JMJD1C: variants seen among roughly 807,000 people sequenced by gnomAD.
The protein encoded by JMJD1C is jumonji domain containing 1C.
Under a neutral mutation model 245.3 loss-of-function variants are expected in JMJD1C, and 31 were observed. That is an observed-to-expected ratio of 0.13 (90% confidence interval 0.09 to 0.17). The LOEUF is 0.17. Ranked by LOEUF, JMJD1C falls within the 10% of genes least tolerant of loss-of-function variation. JMJD1C has a pLI of 1.00. For missense variants in JMJD1C, 2,691 were observed against 3,000.2 expected, an observed-to-expected ratio of 0.90 and a Z score of 2.41; for synonymous variants, 1,057 against 1,017.4, an observed-to-expected ratio of 1.04 and a Z score of -0.74.
At chr10:63,188,495 G>A (rs765122803) in intron 18 of JMJD1C, among the ~76,000 whole-genome samples, 8 of 152,232 alleles carry the variant, frequency 5.3e-5, no homozygotes, top group Middle Eastern at 3.4e-3. Flanking sequence ...CAGAGACTGC[G>A]TCTCTTATTA....
intron 2 of JMJD1C, among the ~76,000 whole-genome samples, chr10:63,377,864 C>G (rs1946877900): frequency 6.6e-6 from 1 of 151,152 alleles, no homozygotes. Flanking sequence ...CACCACTGCA[C>G]TCCAGCCTGT....
chr10:63,177,496 C>G (rs1564553632), intron 23 of JMJD1C: 1 of 529,972 alleles, frequency 1.9e-6, no homozygotes, highest in Non-Finnish European at 3.3e-6. Flanking sequence ...AGGCACACTA[C>G]CAACTGGGAA....
intron 1 of JMJD1C, among the ~76,000 whole-genome samples, chr10:63,480,809 C>A (rs1953809194): frequency 6.6e-6 from 1 of 152,036 alleles, no homozygotes; most frequent in African/African-American, 2.4e-5. Context: ...CTGGCTATAA[C>A]TACAAAGGAA....
chr10:63,378,601 A>G (rs1394159358), intron 2 of JMJD1C, among the ~76,000 whole-genome samples: 1 of 152,202 alleles, frequency 6.6e-6, no homozygotes, highest in East Asian at 1.9e-4. Flanking sequence ...CAAAAAAACA[A>G]AAAGGCAAAG....
intron 1 of JMJD1C, among the ~76,000 whole-genome samples, chr10:63,408,046 A>G (rs1249914818): frequency 2.0e-5 from 3 of 152,132 alleles, no homozygotes; most frequent in African/African-American, 7.2e-5. Flanking sequence ...ATTCAGAAAA[A>G]CTTTTCAGAA....
chr10:63,358,866 A>G (rs778421327), intron 2 of JMJD1C: 4 of 153,602 alleles, frequency 2.6e-5, no homozygotes, highest in Non-Finnish European at 4.4e-5. Flanking sequence ...CATTTAAAAC[A>G]GTTTTGATTA....
Position 63,400,076 on chromosome 10 carries a change from A to G in JMJD1C, c.169-19594T>C, listed in dbSNP as rs189069649. On this transcript the variant is annotated intron_variant, in intron 1 of 25. Coordinates refer to ENST00000399262, the MANE Select transcript of JMJD1C (RefSeq NM_032776.3). ...AAATGTACAGTAGCAATCACAGCTT[A>G]AAAGGTATTGTTTTTGATTTTTATA... 2.6e-5 allele frequency among the ~76,000 whole-genome samples: 4 copies of G among 152,332 alleles called. No homozygotes were observed. The East Asian group carries it at 7.7e-4, about 29-fold the overall frequency.
At chr10:63,219,792 T>C (rs1044487421) in intron 4 of JMJD1C, 86 bp downstream of exon 4, 4 of 832,384 alleles carry the variant, frequency 4.8e-6, no homozygotes, top group African/African-American at 3.3e-5. Flanking sequence ...CTTCTATTTA[T>C]ATTGCACACA....
At chr10:63,354,014 C>T (rs892037594) in intron 2 of JMJD1C, among the ~76,000 whole-genome samples, 8 of 152,056 alleles carry the variant, frequency 5.3e-5, no homozygotes, top group Middle Eastern at 6.8e-3. Flanking sequence ...CTAATTTTTG[C>T]ATTTTTAGTA....
At chr10:63,437,175 G>A (rs1951103598) in intron 1 of JMJD1C, among the ~76,000 whole-genome samples, 1 of 152,080 alleles carries the variant, frequency 6.6e-6, no homozygotes, top group African/African-American at 2.4e-5. Context: ...AGTGACTGTA[G>A]GGAAATGAAT....
chr10:63,302,515 A>G (rs899319368), intron 2 of JMJD1C, among the ~76,000 whole-genome samples: 9 of 152,254 alleles, frequency 5.9e-5, no homozygotes, highest in African/African-American at 2.2e-4. Flanking sequence ...AGAACCATTT[A>G]TAAGAGGCAA....
At chr10:63,222,220 T>C in intron 3 of JMJD1C, 3 of 768,844 alleles carry the variant, frequency 3.9e-6, no homozygotes, top group Non-Finnish European at 7.3e-6. Context: ...GAGGAATTTA[T>C]AGGGGGGTTC....
chr10:63,265,678 T>A (rs1237797276), intron 2 of JMJD1C, among the ~76,000 whole-genome samples: 2 of 152,102 alleles, frequency 1.3e-5, no homozygotes, highest in Non-Finnish European at 2.9e-5. Context: ...AAAACACAGC[T>A]GCTTTACTAT....
chr10:63,327,119 T>C (rs982576932), intron 2 of JMJD1C, among the ~76,000 whole-genome samples: 4 of 152,074 alleles, frequency 2.6e-5, no homozygotes, highest in Admixed American at 2.0e-4. Context: ...CCCAGGAGGC[T>C]GATGCTACAG....
intron 10 of JMJD1C, 47 bp downstream of exon 10, chr10:63,206,548 A>C (rs775948827): frequency 4.8e-6 from 7 of 1,456,124 alleles, no homozygotes. Context: ...GTATAGCTAA[A>C]ACATTCAGCC....
At chr10:63,455,915 A>G (rs1055057421) in intron 1 of JMJD1C, among the ~76,000 whole-genome samples, 3 of 152,128 alleles carry the variant, frequency 2.0e-5, no homozygotes, top group Non-Finnish European at 4.4e-5. Flanking sequence ...TTTGCTCTTA[A>G]GACTGAGAAA....
chr10:63,240,411 A>ACAGT (rs1464306442), intron 3 of JMJD1C, among the ~76,000 whole-genome samples: 2 of 152,318 alleles, frequency 1.3e-5, no homozygotes, highest in East Asian at 3.9e-4. Flanking sequence ...TTCCAAAAGG[A>ACAGT]CAGTGATCCA....
intron 1 of JMJD1C, among the ~76,000 whole-genome samples, chr10:63,395,044 G>A (rs1443663147): frequency 6.6e-6 from 1 of 151,996 alleles, no homozygotes; most frequent in Non-Finnish European, 1.5e-5. Flanking sequence ...AAAAATATGG[G>A]CAAAAGATTT....
At chr10:63,419,220 T>C (rs1459677082) in intron 1 of JMJD1C, among the ~76,000 whole-genome samples, 2 of 139,150 alleles carry the variant, frequency 1.4e-5, no homozygotes, top group African/African-American at 5.0e-5. Flanking sequence ...ACCTCATCTC[T>C]ACTAAAAAAT....
Sources: allele counts gnomAD v4.1 joint callset (sites outside exome capture counted in the v4.1 genomes callset), GRCh38; gene constraint gnomAD v4.1.1; transcripts MANE v1.5; gene names NCBI Gene and HGNC (gene_info 2026-07-23, HGNC 2026-07-21).